Variants in CTNNA2 observed in about 807,000 individuals in gnomAD.
The protein encoded by CTNNA2 is catenin alpha-2.
A neutral mutation model predicts 101.0 loss-of-function variants in CTNNA2; 42 were observed. That is an observed-to-expected ratio of 0.42 (90% CI 0.32 to 0.54). CTNNA2 has a LOEUF of 0.54. Among genes scored for constraint, CTNNA2 ranks in the 20% least tolerant of loss-of-function variants. CTNNA2 has a pLI of 0.14. For synonymous variants in CTNNA2, 450 were observed against 456.4 expected (o/e 0.99, Z 0.18); for missense variants, 871 against 1,223.1 (o/e 0.71, Z 4.29).
chr2:80,419,920 A>G (rs2149406985), intron 9 of CTNNA2, among the ~76,000 whole-genome samples: 1 of 150,718 alleles, frequency 6.6e-6, no homozygotes, highest in South Asian at 2.1e-4. Flanking sequence ...GATTTGAGGG[A>G]GTAAATTAAA....
chr2:79,596,123 T>C (rs948251119), intron 1 of CTNNA2, among the ~76,000 whole-genome samples: 3 of 152,020 alleles, frequency 2.0e-5, no homozygotes, highest in Non-Finnish European at 4.4e-5. Context: ...TTCAAAGTGT[T>C]TTTTAGATGG....
chr2:79,206,005 A>G (rs1674095639), intron 2 of CTNNA2, among the ~76,000 whole-genome samples: 1 of 152,206 alleles, frequency 6.6e-6, no homozygotes, highest in African/African-American at 2.4e-5. Context: ...AAGCTGAAAA[A>G]ACAGTCAAAA....
At chr2:79,775,001 G>A (rs1673859266) in intron 3 of CTNNA2, among the ~76,000 whole-genome samples, 1 of 152,080 alleles carries the variant, frequency 6.6e-6, no homozygotes, top group Non-Finnish European at 1.5e-5. Context: ...TTTATGATTG[G>A]ACTATATGGT....
chr2:79,532,269 T>C (rs548078994), intron 1 of CTNNA2, among the ~76,000 whole-genome samples: 2 of 152,162 alleles, frequency 1.3e-5, no homozygotes, highest in Admixed American at 1.3e-4. Context: ...AGAAAGTAAT[T>C]CTGTACTAGT....
intron 7 of CTNNA2, among the ~76,000 whole-genome samples, chr2:80,089,399 G>A (rs543508684): frequency 1.6e-3 from 238 of 152,010 alleles, no homozygotes; most frequent in African/African-American, 5.5e-3. Context: ...TTAGAATCTC[G>A]GTTTCTTCTT....
chr2:80,355,432 T>A (rs1474379002), intron 7 of CTNNA2, among the ~76,000 whole-genome samples: 2 of 152,130 alleles, frequency 1.3e-5, no homozygotes, highest in Admixed American at 1.3e-4. Context: ...TTTGTGATGA[T>A]GAGGATGAGA....
At chr2:79,803,144 T>G (rs527592343) in intron 3 of CTNNA2, among the ~76,000 whole-genome samples, 12 of 152,348 alleles carry the variant, frequency 7.9e-5, no homozygotes, top group Non-Finnish European at 1.3e-4. Context: ...GAATTGTCTA[T>G]TTTTCACACA....
intron 1 of CTNNA2, among the ~76,000 whole-genome samples, chr2:79,629,319 A>G (rs1186274905): frequency 6.6e-6 from 1 of 152,264 alleles, no homozygotes; most frequent in Non-Finnish European, 1.5e-5. Context: ...GAATATAAAG[A>G]AGAATAAAGA....
chr2:79,870,778 A>G (rs1482141812), intron 5 of CTNNA2, among the ~76,000 whole-genome samples: 1 of 152,112 alleles, frequency 6.6e-6, no homozygotes, highest in Non-Finnish European at 1.5e-5. Context: ...TAAAACCATC[A>G]GACCCCCGTG....
At chr2:79,820,483 C>T (rs938195827) in intron 3 of CTNNA2, among the ~76,000 whole-genome samples, 2 of 152,146 alleles carry the variant, frequency 1.3e-5, no homozygotes, top group Non-Finnish European at 2.9e-5. Flanking sequence ...TCCTTATCTT[C>T]GGAATGTCTT....
intron 12 of CTNNA2, among the ~76,000 whole-genome samples, chr2:80,569,039 A>G (rs1325840153): frequency 1.3e-5 from 2 of 152,240 alleles, no homozygotes; most frequent in East Asian, 3.9e-4. Context: ...CTGACTCTTC[A>G]TCTCTGCTAC....
In CTNNA2 at chr2:80,267,196, T is replaced by C. The variant is rs1356937099; in HGVS notation, c.1057-126015T>C. Among the ~76,000 whole-genome samples, 12 of 152,184 alleles carry C rather than the reference T, an allele frequency of 7.9e-5. 1 individual carries two copies. The East Asian group carries it at 1.5e-3, about 20-fold the overall frequency. On this transcript the variant is annotated intron_variant, in intron 7 of 18. Coordinates refer to ENST00000402739, the MANE Select transcript of CTNNA2 (RefSeq NM_001282597.3). ...TCTCCCTCTCCTCTTCATTCTCACT[T>C]CCCCCACATCTTCCCACTAGTTCTC...
chr2:79,912,438 A>C (rs17339646), intron 7 of CTNNA2, among the ~76,000 whole-genome samples: 10,686 of 152,276 alleles, frequency 0.07, 485 homozygotes, highest in East Asian at 0.18. Flanking sequence ...ATTTCCACAA[A>C]TGTGTATTCT....
At chr2:79,962,801 G>A (rs916937357) in intron 7 of CTNNA2, among the ~76,000 whole-genome samples, 1 of 152,146 alleles carries the variant, frequency 6.6e-6, no homozygotes, top group Non-Finnish European at 1.5e-5. Context: ...GCCGGGCGCG[G>A]TGGCTCACGC....
At chr2:80,108,967 C>T (rs1254498626) in intron 7 of CTNNA2, among the ~76,000 whole-genome samples, 1 of 152,094 alleles carries the variant, frequency 6.6e-6, no homozygotes, top group Non-Finnish European at 1.5e-5. Flanking sequence ...TCATGTGTGA[C>T]CCCATAAAAA....
In CTNNA2 at chr2:79,792,371, G is replaced by T. The variant is rs114962590; in HGVS notation, c.298+47789G>T. Among the ~76,000 whole-genome samples the T allele has an allele frequency of 1.7e-3, 255 of 152,306 alleles. 2 individuals carry two copies. Among genetic ancestry groups the T allele is most frequent in the African/African-American group, 6.1e-3 (252 of 41,568 alleles). ...AAAACAGTGTTTCTCTAAGCTCAGA[G>T]TTCCTTTCCTGTAATACAGACTACT... On this transcript the variant is annotated intron_variant, in intron 3 of 18. Coordinates refer to ENST00000402739, the MANE Select transcript of CTNNA2 (RefSeq NM_001282597.3).
chr2:79,877,816 G>A (rs1344152390), intron 6 of CTNNA2, among the ~76,000 whole-genome samples: 3 of 152,092 alleles, frequency 2.0e-5, no homozygotes, highest in African/African-American at 4.8e-5. Context: ...TTCATAGACA[G>A]CACAGCTAGT....
chr2:79,251,441 C>T (rs1440713590), intron 2 of CTNNA2, among the ~76,000 whole-genome samples: 4 of 152,174 alleles, frequency 2.6e-5, no homozygotes, highest in Non-Finnish European at 5.9e-5. Context: ...GGTACTGACA[C>T]CCATGTGTGA....
intron 7 of CTNNA2, among the ~76,000 whole-genome samples, chr2:80,106,798 C>A (rs1700916435): frequency 6.6e-6 from 1 of 152,140 alleles, no homozygotes; most frequent in African/African-American, 2.4e-5. Flanking sequence ...GGAGAGGCGC[C>A]TGGCGTAAGA....
Sources: gnomAD v4.1 joint callset for allele counts (sites outside exome capture counted in the v4.1 genomes callset) on GRCh38, gnomAD v4.1.1 for gene constraint, MANE v1.5 for transcripts, NCBI Gene and HGNC (gene_info 2026-07-23, HGNC 2026-07-21) for gene names.